The following CST8 variants were observed in gnomAD, a reference collection of about 807,000 sequenced individuals.
CST8 encodes the protein cystatin-8.
In CST8, 20 loss-of-function variants were observed where a neutral mutation model predicts 11.8. That is an observed-to-expected ratio of 1.70 (90% confidence interval 1.20 to 2.47). CST8 has a LOEUF of 2.47. CST8 is among the 30% of genes most tolerant of loss of function. The probability of loss-of-function intolerance (pLI) is 0.00; values close to 1 mark genes in which losing one functional copy is unlikely to be tolerated. For synonymous variants in CST8, 77 were observed against 63.1 expected (o/e 1.22, Z -1.05); for missense variants, 196 against 167.2 (o/e 1.17, Z -0.95).
the CST8 span, among the ~76,000 whole-genome samples, chr20:23,502,405 T>G: frequency 6.6e-6 from 1 of 152,208 alleles, no homozygotes; most frequent in South Asian, 2.1e-4. Context: ...CAGCGGAATC[T>G]CACAATGCCC....
chr20:23,493,014 AAAGCCTTT>A lies in CST8; in HGVS notation c.293_300del (p.Pro98HisfsTer2), dbSNP rs1406539822. 6.2e-7 allele frequency: 1 copy of A among 1,613,914 alleles called. No individual in the cohort carries two copies. ...TAGAAATTGCCCGCAGCGATTGCAG[AAAGCCTTT>A]AAGCACTAATGAAATCTGCGCCATT... On this transcript the variant is annotated frameshift_variant, in exon 3 of 4. Coordinates refer to ENST00000246012, the MANE Select transcript of CST8 (RefSeq NM_005492.4). LOFTEE classifies it high-confidence loss of function.
At chr20:23,505,176 G>T in the CST8 span, among the ~76,000 whole-genome samples, 55 of 101,890 alleles carry the variant, frequency 5.4e-4, no homozygotes, top group Non-Finnish European at 5.6e-4. Flanking sequence ...ATGGAGTCTT[G>T]CTTTGTCACC....
At chr20:23,492,477 C>T (rs1987917939) in intron 2 of CST8, among the ~76,000 whole-genome samples, 1 of 152,060 alleles carries the variant, frequency 6.6e-6, no homozygotes, top group Admixed American at 6.5e-5. Flanking sequence ...GTGGGAGGGG[C>T]TTTGGGTGGG....
the CST8 span, among the ~76,000 whole-genome samples, chr20:23,505,733 C>T: frequency 6.6e-6 from 1 of 152,206 alleles, no homozygotes; most frequent in Non-Finnish European, 1.5e-5. Context: ...AGATGTGGGC[C>T]ATGGATCAGC....
chr20:23,492,067 A>G (rs957371711), intron 2 of CST8, among the ~76,000 whole-genome samples, 169 bp downstream of exon 2: 2 of 152,250 alleles, frequency 1.3e-5, no homozygotes, highest in African/African-American at 4.8e-5. Context: ...GAACACACAG[A>G]GCACTTTCTA....
rs1347765862 is a variant in CST8, at chr20:23,491,282, A to T, written c.-204A>T. The T allele has an allele frequency of 5.3e-6, 1 of 189,272 alleles. No individual in the cohort carries two copies. The highest frequency in any genetic ancestry group is 5.5e-5 in the Admixed American group (1 of 18,266). The allele number at this position is 189,272 out of a possible 1,614,324, so 11.7% of individuals were successfully genotyped here. On this transcript the variant is annotated 5_prime_UTR_variant, in exon 1 of 4. Coordinates refer to ENST00000246012, the MANE Select transcript of CST8 (RefSeq NM_005492.4). ...GCCACAAGGCCTCTGGGGCAGCCAC[A>T]GTTTTCATGATCACATCATACAGGA...
downstream of CST8, among the ~76,000 whole-genome samples, chr20:23,497,542 G>T (rs967272500): frequency 6.6e-6 from 1 of 152,210 alleles, no homozygotes; most frequent in African/African-American, 2.4e-5. Context: ...CTTCCTATAT[G>T]TATTAGTCTG....
Position 23,495,822 on chromosome 20 carries a change from C to CTT in CST8, c.346-5_346-4dup. The stretch of plus-strand genomic sequence containing the variant: ...CTCTACTAATTTTTGTTGTTGTCAT[C>CTT]TTTTTCAGAAATTAAGCTGCAGCTT... On this transcript the variant is annotated splice_polypyrimidine_tract_variant and intron_variant, in intron 3 of 3. Coordinates refer to ENST00000246012, the MANE Select transcript of CST8 (RefSeq NM_005492.4). The CTT allele has an allele frequency of 1.4e-6, 2 of 1,400,760 alleles. No homozygotes were observed. The highest frequency in any genetic ancestry group is 1.9e-6 in the Non-Finnish European group (2 of 1,044,978). 86.8% of individuals were successfully genotyped at this position (1,400,760 alleles called of 1,614,324 possible).
chr20:23,491,586 C>A lies in CST8; in HGVS notation c.-82C>A, dbSNP rs6137985. On this transcript the variant is annotated 5_prime_UTR_variant, in exon 2 of 4. The change creates a new upstream start codon in the 5' untranslated region. Coordinates refer to ENST00000246012, the MANE Select transcript of CST8 (RefSeq NM_005492.4). ...AAGATTCTTGAACCCACAGCAGCAG[C>A]TGCGGCCACCCCATCCTGCCCACAG... 9.5e-7 allele frequency: 1 copy of A among 1,049,902 alleles called. No individual in the cohort carries two copies. Among genetic ancestry groups the A allele is most frequent in the Non-Finnish European group, 1.5e-6 (1 of 687,824 alleles). The allele number at this position is 1,049,902 out of a possible 1,614,324, so 65.0% of individuals were successfully genotyped here. A position where few individuals can be genotyped will look rare whatever the true frequency, so the allele number is the denominator to read the frequency against.
chr20:23,493,230 C>T (rs1261275803), intron 3 of CST8, among the ~76,000 whole-genome samples, 159 bp downstream of exon 3: 2 of 152,150 alleles, frequency 1.3e-5, no homozygotes, highest in East Asian at 1.9e-4. Flanking sequence ...TCCAGGGCCA[C>T]GGAACGTGGT....
Position 23,492,955 on chromosome 20 carries a change from C to G in CST8, c.232-3C>G. On this transcript the variant is annotated splice_polypyrimidine_tract_variant and splice_region_variant and intron_variant, in intron 2 of 3. Transcript: ENST00000246012. ...ATAAAATTGCATAATTGCTAACCAACAGGTCACAAATCTTCTGGAATACCT... is the reference window on the plus strand; with the variant it reads ...ATAAAATTGCATAATTGCTAACCAAGAGGTCACAAATCTTCTGGAATACCT... 2 of 1,538,136 alleles carry G rather than the reference C, an allele frequency of 1.3e-6. No homozygotes were observed. The highest frequency in any genetic ancestry group is 1.8e-6 in the Non-Finnish European group (2 of 1,111,270).
chr20:23,492,247 G>T (rs1393156153), intron 2 of CST8, among the ~76,000 whole-genome samples: 1 of 152,260 alleles, frequency 6.6e-6, no homozygotes, highest in Non-Finnish European at 1.5e-5. Flanking sequence ...CCAACTAGCA[G>T]ACACTCCTTC....
intron 2 of CST8, among the ~76,000 whole-genome samples, chr20:23,492,345 G>A (rs962472901): frequency 5.3e-5 from 8 of 152,212 alleles, no homozygotes; most frequent in African/African-American, 1.9e-4. Context: ...TCACTAATGA[G>A]TTCAACAAAT....
At chr20:23,496,222 A>G (rs1315057773), downstream of CST8, among the ~76,000 whole-genome samples, 1 of 151,898 alleles carries the variant, frequency 6.6e-6, no homozygotes, top group Non-Finnish European at 1.5e-5. Flanking sequence ...TCAGCCAGAT[A>G]TCAGGTGAAA....
In CST8 at chr20:23,491,777, C is replaced by T. The variant is rs1399379143; in HGVS notation, c.110C>T (p.Pro37Leu). The T allele has an allele frequency of 6.2e-7, 1 of 1,614,128 alleles. No individual in the cohort carries two copies. Among genetic ancestry groups the T allele is most frequent in the Non-Finnish European group, 8.5e-7 (1 of 1,179,982 alleles). ...ACAGGGGTGCTGAGGAAATTAAAACCCGTCAATGCCTCAAATGCCAACGTG... is the reference window on the plus strand; with the variant it reads ...ACAGGGGTGCTGAGGAAATTAAAACTCGTCAATGCCTCAAATGCCAACGTG... ...NETGVLRKLK[P>L]VNASNANVKQ... Residue 37 changes from proline to leucine, a missense_variant, in exon 2 of 4, where the codon CCC becomes CTC. Transcript: ENST00000246012.
At chr20:23,506,392 T>C in the CST8 span, among the ~76,000 whole-genome samples, 1,386 of 152,316 alleles carry the variant, frequency 9.1e-3, 17 homozygotes, top group Non-Finnish European at 0.012. Context: ...CTTCGCTTTC[T>C]TTTGGGACCT....
downstream of CST8, among the ~76,000 whole-genome samples, chr20:23,496,646 G>A (rs532800241): frequency 1.3e-5 from 2 of 152,290 alleles, no homozygotes; most frequent in East Asian, 3.9e-4. Context: ...ACTTTATTAG[G>A]TGGGAATTTC....
At position 23,491,552 on chromosome 20, in the gene CST8, T is replaced by A. The variant is rs1987879171; in HGVS notation, c.-116T>A. On this transcript the variant is annotated 5_prime_UTR_variant, in exon 2 of 4. Coordinates refer to ENST00000246012, the MANE Select transcript of CST8 (RefSeq NM_005492.4). ...GGGCTGACGCTAACAGGAGGCAGTGTGTGGCTCGAAGATTCTTGAACCCAC... is the reference window on the plus strand; with the variant it reads ...GGGCTGACGCTAACAGGAGGCAGTGAGTGGCTCGAAGATTCTTGAACCCAC... The A allele has an allele frequency of 7.8e-6, 6 of 768,990 alleles. No homozygotes were observed. The highest frequency in any genetic ancestry group is 1.3e-5 in the Non-Finnish European group (6 of 450,520). The allele number at this position is 768,990 out of a possible 1,614,324, so 47.6% of individuals were successfully genotyped here.
At chr20:23,500,999 T>A (rs908995683), downstream of CST8, among the ~76,000 whole-genome samples, 2 of 152,066 alleles carry the variant, frequency 1.3e-5, no homozygotes, top group Non-Finnish European at 2.9e-5. Flanking sequence ...GGTGATGGAG[T>A]TATCTAGGGA....
Sources: allele counts gnomAD v4.1 joint callset (sites outside exome capture counted in the v4.1 genomes callset), GRCh38; gene constraint gnomAD v4.1.1; transcripts MANE v1.5; gene names NCBI Gene and HGNC (gene_info 2026-07-23, HGNC 2026-07-21).